LDLRAD4: variants seen among roughly 807,000 people sequenced by gnomAD.
The protein encoded by LDLRAD4 is low density lipoprotein receptor class A domain containing 4.
Under a neutral mutation model 17.0 loss-of-function variants are expected in LDLRAD4, and 5 were observed. The ratio of observed to expected loss-of-function variants is 0.29; its 90% CI spans 0.15 to 0.62. The LOEUF (loss-of-function observed/expected upper bound fraction) is 0.62. Among genes scored for constraint, LDLRAD4 ranks in the 20% least tolerant of loss-of-function variants. LDLRAD4 has a pLI of 0.84. For missense variants in LDLRAD4, 340 were observed against 424.7 expected (o/e 0.80, Z 1.75); for synonymous variants, 168 against 171.8 (o/e 0.98, Z 0.17).
rs1003253149 is a variant in LDLRAD4, at chr18:13,634,806, G to T, written c.337-8553G>T. Among the ~76,000 whole-genome samples, 9 of 151,682 alleles carry T rather than the reference G, an allele frequency of 5.9e-5. No individual in the cohort carries two copies. In the South Asian group the frequency reaches 1.9e-3, roughly 32 times the overall value. ...AAAAAAAAGATTTGAAAAGTTAAAGGTCTCACAATTCCTGATTTCAAGACT... is the reference window on the plus strand; with the variant it reads ...AAAAAAAAGATTTGAAAAGTTAAAGTTCTCACAATTCCTGATTTCAAGACT... On this transcript the variant is annotated intron_variant, in intron 4 of 5. Transcript: ENST00000359446.
intron 1 of LDLRAD4, among the ~76,000 whole-genome samples, chr18:13,303,124 C>T (rs561446338): frequency 3.9e-5 from 6 of 152,338 alleles, no homozygotes; most frequent in East Asian, 1.9e-4. Context: ...GGGAAGGCAC[C>T]GGAGGGCAGG....
intron 2 of LDLRAD4, among the ~76,000 whole-genome samples, chr18:13,417,896 A>G (rs79278440): frequency 0.014 from 2,064 of 152,038 alleles, 24 homozygotes; most frequent in African/African-American, 0.025. Flanking sequence ...CTTCTTTGCT[A>G]TATACATTTT....
intron 4 of LDLRAD4, among the ~76,000 whole-genome samples, chr18:13,632,553 G>C (rs80011188): frequency 0.047 from 7,095 of 152,330 alleles, 516 homozygotes; most frequent in African/African-American, 0.16. Context: ...GGAGACACCA[G>C]GAACTGCAGA....
chr18:13,476,988 A>G (rs1205479516), intron 3 of LDLRAD4, among the ~76,000 whole-genome samples: 2 of 152,216 alleles, frequency 1.3e-5, no homozygotes, highest in African/African-American at 4.8e-5. Context: ...TTGATGTCTC[A>G]AGAAAACTCA....
intron 2 of LDLRAD4, 68 bp from the exon 4 acceptor site, chr18:13,438,176 C>T (rs773844929): frequency 1.5e-5 from 22 of 1,465,556 alleles, no homozygotes; most frequent in East Asian, 9.1e-5. Flanking sequence ...GAAAAACCAA[C>T]GACAGTCACA....
At chr18:13,224,708 C>A (rs2041672196) in intron 1 of LDLRAD4, among the ~76,000 whole-genome samples, 1 of 151,728 alleles carries the variant, frequency 6.6e-6, no homozygotes, top group Non-Finnish European at 1.5e-5. Context: ...TCTTGATCTC[C>A]TGACCTCATG....
intron 1 of LDLRAD4, among the ~76,000 whole-genome samples, chr18:13,331,018 A>C (rs965897477): frequency 1.3e-5 from 2 of 152,186 alleles, no homozygotes; most frequent in Admixed American, 1.3e-4. Context: ...ATACCTATGC[A>C]TCTCTTCATC....
chr18:13,227,516 G>A (rs1163555536), intron 1 of LDLRAD4, among the ~76,000 whole-genome samples: 1 of 152,182 alleles, frequency 6.6e-6, no homozygotes, highest in Non-Finnish European at 1.5e-5. Flanking sequence ...GCATTGCCTG[G>A]TGGACAGTGA....
chr18:13,445,982 G>T (rs2091378640), intron 3 of LDLRAD4, among the ~76,000 whole-genome samples: 2 of 152,086 alleles, frequency 1.3e-5, no homozygotes, highest in Non-Finnish European at 2.9e-5. Context: ...TCTTTCAAAG[G>T]GTTGTTCTGA....
At chr18:13,246,728 C>T (rs1448033128) in intron 1 of LDLRAD4, among the ~76,000 whole-genome samples, 3 of 152,206 alleles carry the variant, frequency 2.0e-5, no homozygotes, top group Admixed American at 6.5e-5. Flanking sequence ...TGCGCCATGT[C>T]AGAGGCTGTC....
chr18:13,373,774 G>C (rs1288124456), intron 1 of LDLRAD4, among the ~76,000 whole-genome samples: 1 of 152,100 alleles, frequency 6.6e-6, no homozygotes, highest in East Asian at 1.9e-4. Flanking sequence ...ACTTTTTTGT[G>C]ACACAGCACA....
intron 1 of LDLRAD4, chr18:13,382,867 C>T (rs2085486748): frequency 6.6e-6 from 1 of 152,360 alleles, no homozygotes; most frequent in Non-Finnish European, 1.5e-5. Context: ...GTCCTGCTCT[C>T]CTGCTGCCAG....
chr18:13,412,292 C>T (rs947059619), intron 2 of LDLRAD4, among the ~76,000 whole-genome samples: 1 of 152,190 alleles, frequency 6.6e-6, no homozygotes, highest in Non-Finnish European at 1.5e-5. Context: ...GCCTACTATT[C>T]CTAGAGCATG....
intron 2 of LDLRAD4, among the ~76,000 whole-genome samples, chr18:13,423,147 T>G (rs1441231368): frequency 1.3e-5 from 2 of 152,124 alleles, no homozygotes; most frequent in African/African-American, 4.8e-5. Flanking sequence ...ACTCTGAACA[T>G]TTTTGGCCTT....
At chr18:13,278,248 C>G (rs972301101) in intron 1 of LDLRAD4, 60 bp downstream of exon 2, 1 of 152,292 alleles carries the variant, frequency 6.6e-6, no homozygotes, top group African/African-American at 2.4e-5. Flanking sequence ...GAGCTTGTCG[C>G]GGCAGGAGCT....
intron 3 of LDLRAD4, among the ~76,000 whole-genome samples, chr18:13,503,658 A>G (rs561373978): frequency 6.6e-6 from 1 of 152,114 alleles, no homozygotes; most frequent in Non-Finnish European, 1.5e-5. Flanking sequence ...GGAAGCAGGC[A>G]GCCCAGGCAT....
chr18:13,347,101 T>C (rs1434520118), intron 1 of LDLRAD4, among the ~76,000 whole-genome samples: 2 of 152,232 alleles, frequency 1.3e-5, no homozygotes, highest in Non-Finnish European at 2.9e-5. Flanking sequence ...TGTGTGAATT[T>C]GATCCTGTTA....
At chr18:13,259,484 T>A (rs2043689492) in intron 1 of LDLRAD4, among the ~76,000 whole-genome samples, 1 of 152,128 alleles carries the variant, frequency 6.6e-6, no homozygotes, top group African/African-American at 2.4e-5. Flanking sequence ...CCCTCCTAAT[T>A]TCTGATTGAT....
intron 3 of LDLRAD4, among the ~76,000 whole-genome samples, chr18:13,495,700 G>C (rs1377282424): frequency 6.6e-6 from 1 of 152,064 alleles, no homozygotes; most frequent in Non-Finnish European, 1.5e-5. Context: ...ACAAATTCTA[G>C]AACAAGAGAA....
Sources: gnomAD v4.1 joint callset for allele counts (sites outside exome capture counted in the v4.1 genomes callset) on GRCh38, gnomAD v4.1.1 for gene constraint, MANE v1.5 for transcripts, NCBI Gene and HGNC (gene_info 2026-07-23, HGNC 2026-07-21) for gene names.